Variants in BDP1 observed in about 807,000 individuals in gnomAD.
BDP1 encodes the protein transcription factor TFIIIB component B'' homolog.
BDP1 carries 169 observed loss-of-function variants against 266.6 expected under a neutral mutation model. The ratio of observed to expected loss-of-function variants is 0.63; its 90% CI spans 0.56 to 0.72. The LOEUF (loss-of-function observed/expected upper bound fraction) is 0.72, where lower values mean the gene tolerates loss of function less well. BDP1 is among the 30% of genes least tolerant of loss of function. BDP1 has a pLI of 0.00. For missense variants in BDP1, 3,015 were observed against 3,053.8 expected (o/e 0.99, Z 0.30); for synonymous variants, 1,090 against 1,022.4 (o/e 1.07, Z -1.26).
intron 38 of BDP1, among the ~76,000 whole-genome samples, chr5:71,564,509 C>G (rs1296163616): frequency 2.0e-5 from 3 of 151,886 alleles, no homozygotes; most frequent in African/African-American, 7.2e-5. Flanking sequence ...ATTATTATAA[C>G]TAATGCTACA....
At chr5:71,491,411 A>G (rs192867778) in intron 11 of BDP1, among the ~76,000 whole-genome samples, 41 of 151,104 alleles carry the variant, frequency 2.7e-4, no homozygotes, top group Admixed American at 2.4e-3. Flanking sequence ...TGGCGTTTGC[A>G]TGGGTTTATC....
Position 71,502,690 on chromosome 5 carries a change from A to G in BDP1, c.2140A>G (p.Asn714Asp), listed in dbSNP as rs1217664753. Residue 714 changes from asparagine (N) to aspartate (D), a missense_variant, in exon 15 of 39, where the codon AAT (asparagine) becomes GAT (aspartate). By Grantham distance (23) the Asn-to-Asp change is conservative. Coordinates refer to ENST00000358731, the MANE Select transcript of BDP1 (RefSeq NM_018429.3). ...GGGCCGATTGCAAAAGCCAAAGCCA[A>G]ATGCAGGTAAAGCTGCTGAAAGAAA... Reference protein sequence around the residue: ...VRGRLQKPKPNAGKAAERKEI... With the variant: ...VRGRLQKPKPDAGKAAERKEI... 10 of 1,614,018 alleles carry G rather than the reference A, an allele frequency of 6.2e-6. No individual in the cohort carries two copies. The Admixed American group carries it at 1.5e-4, about 24-fold the overall frequency.
At chr5:71,460,122 G>A (rs532705844) in intron 2 of BDP1, among the ~76,000 whole-genome samples, 1 of 152,338 alleles carries the variant, frequency 6.6e-6, no homozygotes, top group South Asian at 2.1e-4. Context: ...GCTCACGCCT[G>A]TAATCCCAGC....
At chr5:71,575,135 A>G in the BDP1 span, among the ~76,000 whole-genome samples, 2 of 152,228 alleles carry the variant, frequency 1.3e-5, no homozygotes, top group African/African-American at 4.8e-5. Flanking sequence ...ACAGCATGGG[A>G]TATGAAACTT....
Position 71,567,744 on chromosome 5 carries a change from A to G in BDP1, c.*2859A>G, listed in dbSNP as rs562386842. 26 of 152,590 alleles carry G rather than the reference A, an allele frequency of 1.7e-4. No individual in the cohort carries two copies. The highest frequency in any genetic ancestry group is 3.2e-4 in the Non-Finnish European group (22 of 68,022). 9.5% of individuals were successfully genotyped at this position (152,590 alleles called of 1,614,324 possible). On this transcript the variant is annotated 3_prime_UTR_variant, in exon 39 of 39. Coordinates refer to ENST00000358731, the MANE Select transcript of BDP1 (RefSeq NM_018429.3). ...TTGACAGAAAAAGCAATATCATGTC[A>G]TTTATAAATTTTCTTGTTCTAAAGA... is the stretch of plus-strand genomic sequence containing the variant.
intron 31 of BDP1, among the ~76,000 whole-genome samples, chr5:71,544,797 G>A (rs1742148658): frequency 7.1e-6 from 1 of 140,360 alleles, no homozygotes; most frequent in Non-Finnish European, 1.5e-5. Flanking sequence ...GGAGAATCGT[G>A]TGAACCTGGG....
At chr5:71,484,602 T>C (rs1763147472) in intron 8 of BDP1, among the ~76,000 whole-genome samples, 1 of 152,102 alleles carries the variant, frequency 6.6e-6, no homozygotes, top group African/African-American at 2.4e-5. Flanking sequence ...AAAATCCTCA[T>C]TAAAATTAAC....
intron 38 of BDP1, 166 bp downstream of exon 38, chr5:71,562,686 G>A: frequency 6.7e-7 from 1 of 1,487,174 alleles, no homozygotes; most frequent in Non-Finnish European, 9.0e-7. Context: ...AAGAAGAAAA[G>A]GTGTTGAGTC....
chr5:71,538,150 T>C (rs1449874818), intron 26 of BDP1, among the ~76,000 whole-genome samples: 1 of 152,234 alleles, frequency 6.6e-6, no homozygotes, highest in African/African-American at 2.4e-5. Flanking sequence ...CCAACCTTGC[T>C]TCCCCAGGAT....
chr5:71,489,972 A>G (rs1426880880), intron 10 of BDP1, among the ~76,000 whole-genome samples: 1 of 152,214 alleles, frequency 6.6e-6, no homozygotes, highest in Non-Finnish European at 1.5e-5. Context: ...ATAGAGTTAA[A>G]AGTATGTTGC....
At chr5:71,544,879 CAAAAAAAA>C (rs141573220) in intron 31 of BDP1, among the ~76,000 whole-genome samples, 152 bp from the exon 32 acceptor site, 1 of 28,494 alleles carries the variant, frequency 3.5e-5, no homozygotes, top group Non-Finnish European at 6.2e-5. Context: ...GACTCTGTCT[CAAAAAAAA>C]AAAAAAAAAA....
chr5:71,505,821 A>C (rs1764547202), intron 16 of BDP1, among the ~76,000 whole-genome samples: 1 of 152,238 alleles, frequency 6.6e-6, no homozygotes, highest in Non-Finnish European at 1.5e-5. Flanking sequence ...TGAATGGGCC[A>C]CTTTACTCCA....
chr5:71,459,940 T>C (rs1761436675), intron 2 of BDP1, among the ~76,000 whole-genome samples: 1 of 152,244 alleles, frequency 6.6e-6, no homozygotes, highest in Non-Finnish European at 1.5e-5. Context: ...CAGCATGTAT[T>C]CTGCAAGTAT....
intron 13 of BDP1, among the ~76,000 whole-genome samples, chr5:71,498,802 C>T (rs1412151324): frequency 6.6e-6 from 1 of 151,426 alleles, no homozygotes; most frequent in Non-Finnish European, 1.5e-5. Context: ...TGGCTCACTG[C>T]AGCCTCTGTC....
intron 28 of BDP1, among the ~76,000 whole-genome samples, chr5:71,540,125 C>G (rs1003856148): frequency 6.6e-6 from 1 of 151,988 alleles, no homozygotes. Flanking sequence ...TTGGACAGAG[C>G]CAAAAGATAT....
At chr5:71,477,866 G>A (rs1369622090) in intron 7 of BDP1, among the ~76,000 whole-genome samples, 3 of 151,894 alleles carry the variant, frequency 2.0e-5, no homozygotes, top group Non-Finnish European at 2.9e-5. Flanking sequence ...GCAATCTGCC[G>A]CCTCAGCCTC....
At chr5:71,478,318 CTT>C (rs964591500) in intron 7 of BDP1, among the ~76,000 whole-genome samples, 5 of 152,110 alleles carry the variant, frequency 3.3e-5, no homozygotes, top group South Asian at 4.1e-4. Flanking sequence ...ATATATGAGT[CTT>C]TTGTCTTTTA....
Position 71,527,173 on chromosome 5 carries a change from G to A in BDP1, c.5772+2850G>A, listed in dbSNP as rs556005906. 1.4e-4 allele frequency among the ~76,000 whole-genome samples: 22 copies of A among 152,132 alleles called. No individual in the cohort carries two copies. The East Asian group carries it at 3.7e-3, about 25-fold the overall frequency. On this transcript the variant is annotated intron_variant, in intron 25 of 38. Transcript: ENST00000358731. ...TGAGCTCAGGCAATCCTCCTGCCTC[G>A]GCCTCCCAAAGTGCGGGGATTACAG...
chr5:71,497,013 A>G (rs981984948), intron 12 of BDP1, among the ~76,000 whole-genome samples: 5 of 152,176 alleles, frequency 3.3e-5, no homozygotes, highest in Non-Finnish European at 7.3e-5. Context: ...TCTATTTTGA[A>G]GTTATTTTCT....
Sources: gnomAD v4.1 joint callset for allele counts (sites outside exome capture counted in the v4.1 genomes callset) on GRCh38, gnomAD v4.1.1 for gene constraint, MANE v1.5 for transcripts, NCBI Gene and HGNC (gene_info 2026-07-23, HGNC 2026-07-21) for gene names.